ANO10: variants seen among roughly 807,000 people sequenced by gnomAD.
ANO10 encodes anoctamin 10.
Under a neutral mutation model 74.7 loss-of-function variants are expected in ANO10, and 77 were observed. The observed-to-expected ratio is 1.03, with a 90% confidence interval of 0.86 to 1.25. ANO10 has a LOEUF of 1.25. Among genes scored for constraint, ANO10 ranks in the 50% most tolerant of loss-of-function variants. ANO10 has a pLI of 0.00. For missense variants in ANO10, 721 were observed against 778.1 expected (o/e 0.93, Z 0.87); for synonymous variants, 279 against 284.9 (o/e 0.98, Z 0.21).
At chr3:43,612,439 T>C (rs2082876336) in intron 1 of ANO10, among the ~76,000 whole-genome samples, 1 of 152,008 alleles carries the variant, frequency 6.6e-6, no homozygotes, top group Admixed American at 6.6e-5. Context: ...CCTGCCTTTC[T>C]CAGGGATACC....
At chr3:43,412,709 A>G (rs2148895354) in intron 12 of ANO10, among the ~76,000 whole-genome samples, 1 of 152,346 alleles carries the variant, frequency 6.6e-6, no homozygotes, top group African/African-American at 2.4e-5. Context: ...CTCAAAAAAA[A>G]TCTTCTCTAT....
In ANO10 at chr3:43,537,616, C is replaced by T. The variant is rs1345409154; in HGVS notation, c.1797+12104G>A. On this transcript the variant is annotated intron_variant, in intron 11 of 12. Transcript: ENST00000292246. ...GAGCAGGCATACTTTATAAACCACA[C>T]ACACACACACACACACACACACACA... is the stretch of plus-strand genomic sequence containing the variant. Among the ~76,000 whole-genome samples the T allele has an allele frequency of 1.9e-3, 252 of 133,556 alleles. 1 individual carries two copies. Among genetic ancestry groups the T allele is most frequent in the African/African-American group, 7.1e-3 (239 of 33,636 alleles). 87.6% of individuals were successfully genotyped at this position (133,556 alleles called of 152,430 possible). A position where few individuals can be genotyped will look rare whatever the true frequency, so the allele number is the denominator to read the frequency against.
rs536218454 is a variant in ANO10 at position 43,454,127 on chromosome 3, G to C, written c.1798-21400C>G. 2.6e-5 allele frequency among the ~76,000 whole-genome samples: 4 copies of C among 152,288 alleles called. No homozygotes were observed. The East Asian group carries it at 5.8e-4, about 22-fold the overall frequency. ...AGGAAGCTGGGCAGGCTTTCTTCTG[G>C]GGGAAAAGCATGTTGGGTCAGGGGA... On this transcript the variant is annotated intron_variant, in intron 11 of 12. Coordinates refer to ENST00000292246, the MANE Select transcript of ANO10 (RefSeq NM_018075.5).
At chr3:43,396,409 G>A (rs6766735) in intron 12 of ANO10, among the ~76,000 whole-genome samples, 2,265 of 152,082 alleles carry the variant, frequency 0.015, 63 homozygotes, top group African/African-American at 0.051. Flanking sequence ...CGCAATCTTG[G>A]CTCACTGCAA....
chr3:43,408,858 C>T (rs1193559816), intron 12 of ANO10, among the ~76,000 whole-genome samples: 2 of 151,256 alleles, frequency 1.3e-5, no homozygotes, highest in Admixed American at 6.6e-5. Context: ...GGTGAAACCC[C>T]GTCTCTACTA....
At chr3:43,377,841 CAA>C (rs2091853746) in intron 12 of ANO10, among the ~76,000 whole-genome samples, 1 of 152,116 alleles carries the variant, frequency 6.6e-6, no homozygotes, top group Non-Finnish European at 1.5e-5. Context: ...AGGAATGACA[CAA>C]AAGTTTAAAA....
intron 11 of ANO10, among the ~76,000 whole-genome samples, chr3:43,519,732 C>T (rs769009855): frequency 2.0e-5 from 3 of 152,136 alleles, no homozygotes; most frequent in African/African-American, 2.4e-5. Flanking sequence ...ATCATGGTCT[C>T]GGGCCAGGAT....
At chr3:43,605,995 G>T (rs2082546272) in intron 1 of ANO10, 132 bp from the exon 2 acceptor site, 1 of 966,546 alleles carries the variant, frequency 1.0e-6, no homozygotes, top group Non-Finnish European at 1.6e-6. Context: ...TCGTGATTCA[G>T]ATGGGTTATA....
chr3:43,508,202 C>G (rs1468584952), intron 11 of ANO10, among the ~76,000 whole-genome samples: 1 of 152,110 alleles, frequency 6.6e-6, no homozygotes, highest in African/African-American at 2.4e-5. Flanking sequence ...CATGAAGAGA[C>G]CTCATCAAAA....
intron 10 of ANO10, among the ~76,000 whole-genome samples, 169 bp downstream of exon 10, chr3:43,555,109 C>T (rs2079675318): frequency 6.6e-6 from 1 of 152,132 alleles, no homozygotes; most frequent in Non-Finnish European, 1.5e-5. Flanking sequence ...AAAAGTGAAG[C>T]TAGACAAAGT....
At chr3:43,374,564 TATAATA>T (rs2125681037) in intron 12 of ANO10, among the ~76,000 whole-genome samples, 1 of 152,262 alleles carries the variant, frequency 6.6e-6, no homozygotes, top group East Asian at 1.9e-4. Flanking sequence ...ATTTTTGTAC[TATAATA>T]ATATCACCCA....
rs1490615068 is a variant in ANO10, at chr3:43,454,740, T to C, written c.1798-22013A>G. 9.9e-5 allele frequency among the ~76,000 whole-genome samples: 15 copies of C among 151,600 alleles called. No homozygotes were observed. The East Asian group carries it at 2.9e-3, about 29-fold the overall frequency. On this transcript the variant is annotated intron_variant, in intron 11 of 12. Transcript: ENST00000292246. Reference sequence around the variant, plus strand: ...AGCAAGGTGCTGATCACCAGAGACCTTCAGAAGTGGTGTCTTGGTGGACTA... The same window carrying C: ...AGCAAGGTGCTGATCACCAGAGACCCTCAGAAGTGGTGTCTTGGTGGACTA...
At chr3:43,487,597 T>C (rs1257387663) in intron 11 of ANO10, among the ~76,000 whole-genome samples, 1 of 152,144 alleles carries the variant, frequency 6.6e-6, no homozygotes, top group Admixed American at 6.5e-5. Flanking sequence ...TGCGTAGAGG[T>C]GTTTGTAGTA....
intron 12 of ANO10, among the ~76,000 whole-genome samples, chr3:43,400,773 C>G (rs1236183345): frequency 6.6e-6 from 1 of 151,988 alleles, no homozygotes; most frequent in Admixed American, 6.6e-5. Context: ...GAGACCCTGT[C>G]TCAAAATAAT....
At chr3:43,548,081 C>T (rs2079281921) in intron 11 of ANO10, among the ~76,000 whole-genome samples, 1 of 152,228 alleles carries the variant, frequency 6.6e-6, no homozygotes, top group South Asian at 2.1e-4. Flanking sequence ...AATCCACCTT[C>T]ACTTTAACAT....
rs139793503 is a variant in ANO10, at chr3:43,606,849, G to A, written c.-11-986C>T. Among the ~76,000 whole-genome samples the A allele has an allele frequency of 3.8e-3, 577 of 152,104 alleles. 3 individuals carry two copies. The highest frequency in any genetic ancestry group is 6.3e-3 in the Non-Finnish European group (430 of 68,008). On this transcript the variant is annotated intron_variant, in intron 1 of 12. Coordinates refer to ENST00000292246, the MANE Select transcript of ANO10 (RefSeq NM_018075.5). ...CACTTCCAGGACAGCAGATTAAAGG[G>A]TTCAAACTCTTCTGCTGAAGACAAC...
intron 1 of ANO10, among the ~76,000 whole-genome samples, chr3:43,666,290 GGAAAA>G (rs1213835946): frequency 6.6e-6 from 1 of 152,000 alleles, no homozygotes; most frequent in Non-Finnish European, 1.5e-5. Context: ...TCAAACAACT[GGAAAA>G]GAAGAGATTA....
At chr3:43,386,023 C>T (rs1024393003) in intron 12 of ANO10, among the ~76,000 whole-genome samples, 1 of 151,974 alleles carries the variant, frequency 6.6e-6, no homozygotes, top group Non-Finnish European at 1.5e-5. Flanking sequence ...TCTAGGAAGA[C>T]ACCCTTCTCC....
At chr3:43,403,273 C>T (rs536513713) in intron 12 of ANO10, among the ~76,000 whole-genome samples, 2 of 152,364 alleles carry the variant, frequency 1.3e-5, no homozygotes, top group South Asian at 2.1e-4. Flanking sequence ...GAGAAAAACA[C>T]AGCAAAACTT....
Sources: gnomAD v4.1 joint callset for allele counts (sites outside exome capture counted in the v4.1 genomes callset) on GRCh38, gnomAD v4.1.1 for gene constraint, MANE v1.5 for transcripts, NCBI Gene and HGNC (gene_info 2026-07-23, HGNC 2026-07-21) for gene names.